Variants in KAZN observed in about 807,000 individuals in gnomAD.
The protein encoded by KAZN is kazrin.
In KAZN, 40 loss-of-function variants were observed where a neutral mutation model predicts 87.4. The observed-to-expected ratio is 0.46, with a 90% CI of 0.36 to 0.60. The LOEUF (loss-of-function observed/expected upper bound fraction) is 0.60. Among genes scored for constraint, KAZN ranks in the 20% least tolerant of loss-of-function variants. The pLI, the probability that KAZN is intolerant of heterozygous loss-of-function variation, is 0.00. For missense variants in KAZN, 898 were observed against 1,073.9 expected (o/e 0.84, Z 2.29); for synonymous variants, 466 against 458.3 (o/e 1.02, Z -0.22).
intron 1 of KAZN, among the ~76,000 whole-genome samples, chr1:14,087,384 G>T (rs1034323271): frequency 1.3e-5 from 2 of 152,094 alleles, no homozygotes; most frequent in Non-Finnish European, 2.9e-5. Flanking sequence ...TTCTACAAAG[G>T]TAATCATTTA....
At chr1:14,496,300 A>G (rs1669938924) in intron 2 of KAZN, among the ~76,000 whole-genome samples, 2 of 152,200 alleles carry the variant, frequency 1.3e-5, no homozygotes, top group African/African-American at 2.4e-5. Context: ...ATCAAAATAG[A>G]AACAAGGAAT....
At chr1:14,622,763 A>G (rs1391814244) in intron 1 of KAZN, among the ~76,000 whole-genome samples, 1 of 151,982 alleles carries the variant, frequency 6.6e-6, no homozygotes, top group African/African-American at 2.4e-5. Context: ...AATGAAATTC[A>G]GATTATGCAT....
At chr1:14,297,995 G>T (rs1399832476) in intron 2 of KAZN, among the ~76,000 whole-genome samples, 1 of 152,140 alleles carries the variant, frequency 6.6e-6, no homozygotes, top group African/African-American at 2.4e-5. Context: ...GGAGGCCGAG[G>T]CAGGCAGATT....
At chr1:14,867,186 G>T (rs1195653963) in intron 1 of KAZN, among the ~76,000 whole-genome samples, 1 of 152,208 alleles carries the variant, frequency 6.6e-6, no homozygotes, top group Admixed American at 6.5e-5. Context: ...AGGGCCCTGT[G>T]ATCAATGGAG....
At chr1:14,670,999 T>G (rs1371147107) in intron 1 of KAZN, among the ~76,000 whole-genome samples, 1 of 152,154 alleles carries the variant, frequency 6.6e-6, no homozygotes, top group East Asian at 1.9e-4. Context: ...CATCCCACAG[T>G]GCACAGGAAA....
intron 1 of KAZN, among the ~76,000 whole-genome samples, chr1:14,083,170 G>A (rs747475074): frequency 9.2e-5 from 14 of 152,144 alleles, no homozygotes; most frequent in Non-Finnish European, 1.5e-4. Flanking sequence ...CCCATCCCTG[G>A]CCTCTTGTTG....
At chr1:14,796,670 A>G (rs541444260) in intron 1 of KAZN, among the ~76,000 whole-genome samples, 16 of 152,254 alleles carry the variant, frequency 1.1e-4, no homozygotes, top group African/African-American at 3.6e-4. Context: ...ATTTGTAAGC[A>G]TGGCACCAGG....
At chr1:13,932,032 T>C (rs548003765) in intron 1 of KAZN, among the ~76,000 whole-genome samples, 1 of 148,906 alleles carries the variant, frequency 6.7e-6, no homozygotes, top group Non-Finnish European at 1.5e-5. Flanking sequence ...TTTTTTTGTA[T>C]TTTTTAGTAG....
intron 1 of KAZN, among the ~76,000 whole-genome samples, chr1:14,604,043 G>T (rs2148606030): frequency 6.6e-6 from 1 of 152,258 alleles, no homozygotes; most frequent in Admixed American, 6.5e-5. Flanking sequence ...TTAATGGTTT[G>T]CCTGAACATT....
In KAZN at chr1:14,363,062, G is replaced by T. The variant is rs963600447; in HGVS notation, c.249+182470G>T. On this transcript the variant is annotated intron_variant, in intron 2 of 16. Coordinates refer to the KAZN transcript ENST00000636203. ...AGCTGCCTTAAATATAGACCTTCAA[G>T]AACTGGCTCTCTGGCTCTAGAAGGC... Among the ~76,000 whole-genome samples the T allele has an allele frequency of 2.6e-5, 4 of 152,178 alleles. No individual in the cohort carries two copies. In the South Asian group the frequency reaches 6.2e-4, roughly 24 times the overall value.
intron 1 of KAZN, among the ~76,000 whole-genome samples, chr1:14,940,129 C>T (rs752747414): frequency 1.1e-4 from 16 of 152,062 alleles, no homozygotes; most frequent in African/African-American, 9.7e-5. Context: ...TAAGAGTGGG[C>T]GGGGTACTTG....
intron 1 of KAZN, chr1:14,692,061 A>G: frequency 7.7e-6 from 2 of 260,654 alleles, no homozygotes; most frequent in Middle Eastern, 1.3e-3. Context: ...AAAAAAAAAT[A>G]AAATAATGAA....
At chr1:14,057,994 C>A (rs1642643760) in intron 1 of KAZN, among the ~76,000 whole-genome samples, 2 of 152,202 alleles carry the variant, frequency 1.3e-5, no homozygotes, top group African/African-American at 4.8e-5. Flanking sequence ...CTTAGAAATT[C>A]AATGGAACTT....
intron 2 of KAZN, among the ~76,000 whole-genome samples, chr1:14,493,342 G>A (rs2148413403): frequency 6.6e-6 from 1 of 152,334 alleles, no homozygotes; most frequent in South Asian, 2.1e-4. Context: ...ACCTGGTGTG[G>A]GTTGTGATGG....
chr1:14,913,175 T>G (rs1657430858), intron 1 of KAZN, among the ~76,000 whole-genome samples: 1 of 152,156 alleles, frequency 6.6e-6, no homozygotes, highest in African/African-American at 2.4e-5. Context: ...TGCCCATGCC[T>G]TGTGTTTCAG....
intron 1 of KAZN, among the ~76,000 whole-genome samples, chr1:14,645,213 A>G (rs981240384): frequency 6.6e-6 from 1 of 152,104 alleles, no homozygotes; most frequent in Non-Finnish European, 1.5e-5. Context: ...GCCTTGTAGT[A>G]TAGTTTGAAG....
intron 1 of KAZN, among the ~76,000 whole-genome samples, chr1:13,952,879 T>C (rs1641405660): frequency 6.6e-6 from 1 of 152,196 alleles, no homozygotes; most frequent in Non-Finnish European, 1.5e-5. Flanking sequence ...GCCTTTAAAA[T>C]GAGGAAACTG....
intron 2 of KAZN, among the ~76,000 whole-genome samples, chr1:14,360,446 T>A (rs1032486350): frequency 2.0e-5 from 3 of 152,220 alleles, no homozygotes; most frequent in Admixed American, 1.3e-4. Flanking sequence ...CTTCTGTCAA[T>A]TCATCAAACT....
intron 2 of KAZN, among the ~76,000 whole-genome samples, chr1:14,264,227 G>A (rs1651302001): frequency 6.6e-6 from 1 of 152,068 alleles, no homozygotes; most frequent in South Asian, 2.1e-4. Flanking sequence ...TCAGGTTGTT[G>A]GTCAAATTCA....
Sources: allele counts gnomAD v4.1 joint callset (sites outside exome capture counted in the v4.1 genomes callset), GRCh38; gene constraint gnomAD v4.1.1; transcripts MANE v1.5; gene names NCBI Gene and HGNC (gene_info 2026-07-23, HGNC 2026-07-21).